PLCB1: variants seen among roughly 807,000 people sequenced by gnomAD.
PLCB1 encodes phospholipase C beta 1, also known as 1-phosphatidylinositol 4,5-bisphosphate phosphodiesterase beta-1.
PLCB1 carries 46 observed loss-of-function variants against 161.8 expected under a neutral mutation model. The ratio of observed to expected loss-of-function variants is 0.28; its 90% confidence interval spans 0.22 to 0.36. PLCB1 has a LOEUF of 0.36. Ranked by LOEUF, PLCB1 falls within the 10% of genes least tolerant of loss-of-function variation. The pLI, the probability that PLCB1 is intolerant of heterozygous loss-of-function variation, is 1.00. For synonymous variants in PLCB1, 517 were observed against 503.7 expected (o/e 1.03, Z -0.35); for missense variants, 1,016 against 1,472.5 (o/e 0.69, Z 5.07).
At chr20:8,269,738 A>T (rs1982178020) in intron 2 of PLCB1, among the ~76,000 whole-genome samples, 1 of 152,208 alleles carries the variant, frequency 6.6e-6, no homozygotes, top group African/African-American at 2.4e-5. Flanking sequence ...GCACAGTAAG[A>T]TACAAAAATG....
Position 8,744,026 on chromosome 20 carries a change from A to C in PLCB1, c.2523+2453A>C, listed in dbSNP as rs139044911. ...ACATAGATACAAATAAATCACTATTAATATCATTCTTCTCTAAATAGAAAA... is the reference window on the plus strand; with the variant it reads ...ACATAGATACAAATAAATCACTATTCATATCATTCTTCTCTAAATAGAAAA... On this transcript the variant is annotated intron_variant, in intron 23 of 31. Coordinates refer to ENST00000338037, the MANE Select transcript of PLCB1 (RefSeq NM_015192.4). Among the ~76,000 whole-genome samples the C allele has an allele frequency of 5.2e-3, 792 of 152,326 alleles. 9 individuals are homozygous for C. Among genetic ancestry groups the C allele is most frequent in the African/African-American group, 0.018 (765 of 41,582 alleles).
chr20:8,352,416 G>C (rs1272000244), intron 2 of PLCB1, among the ~76,000 whole-genome samples: 1 of 152,138 alleles, frequency 6.6e-6, no homozygotes, highest in African/African-American at 2.4e-5. Flanking sequence ...TACTATGCAC[G>C]TATGAGGTAC....
chr20:8,529,329 C>G (rs1984706261), intron 3 of PLCB1, among the ~76,000 whole-genome samples: 1 of 151,950 alleles, frequency 6.6e-6, no homozygotes, highest in Admixed American at 6.6e-5. Flanking sequence ...TAAATTTTCT[C>G]CCATGTTATT....
At chr20:8,157,623 C>G (rs1202230982) in intron 2 of PLCB1, among the ~76,000 whole-genome samples, 1 of 152,158 alleles carries the variant, frequency 6.6e-6, no homozygotes, top group Non-Finnish European at 1.5e-5. Flanking sequence ...ATAGACATGT[C>G]ATGATGCCTT....
chr20:8,133,226 C>T (rs973462208), intron 1 of PLCB1, among the ~76,000 whole-genome samples: 15 of 152,148 alleles, frequency 9.9e-5, no homozygotes, highest in Non-Finnish European at 2.2e-4. Flanking sequence ...ACCCTCTTGG[C>T]GCTTTTGTGG....
At chr20:8,843,536 G>T (rs1312881749) in intron 31 of PLCB1, among the ~76,000 whole-genome samples, 2 of 151,730 alleles carry the variant, frequency 1.3e-5, no homozygotes, top group African/African-American at 4.8e-5. Flanking sequence ...CCCATCATAG[G>T]CATATTCACT....
chr20:8,746,834 C>T (rs182348176), intron 23 of PLCB1, among the ~76,000 whole-genome samples: 6 of 152,294 alleles, frequency 3.9e-5, no homozygotes, highest in Admixed American at 3.3e-4. Context: ...ACTCATGTTC[C>T]ACATCAGCAC....
intron 31 of PLCB1, among the ~76,000 whole-genome samples, chr20:8,859,256 C>T (rs1488566668): frequency 6.6e-6 from 1 of 152,194 alleles, no homozygotes; most frequent in Non-Finnish European, 1.5e-5. Flanking sequence ...TTATAAATAA[C>T]ATCTGCTCAC....
chr20:8,623,661 A>C (rs1988249112), intron 3 of PLCB1, among the ~76,000 whole-genome samples: 1 of 152,224 alleles, frequency 6.6e-6, no homozygotes, highest in African/African-American at 2.4e-5. Flanking sequence ...AAATAGCTAA[A>C]AAATATTTAA....
intron 3 of PLCB1, among the ~76,000 whole-genome samples, chr20:8,509,775 TAGATAGA>T (rs1983798252): frequency 7.4e-6 from 1 of 135,008 alleles, no homozygotes; most frequent in East Asian, 2.3e-4. Flanking sequence ...GATAGATAGA[TAGATAGA>T]TAGCATGAAG....
At chr20:8,321,353 A>G (rs1345941810) in intron 2 of PLCB1, among the ~76,000 whole-genome samples, 1 of 152,124 alleles carries the variant, frequency 6.6e-6, no homozygotes, top group Non-Finnish European at 1.5e-5. Flanking sequence ...CATACCTCTT[A>G]TTGTTGTGTT....
intron 1 of PLCB1, among the ~76,000 whole-genome samples, chr20:8,134,129 G>T (rs1327242659): frequency 6.6e-6 from 1 of 152,130 alleles, no homozygotes. Flanking sequence ...TCTTCTTTCT[G>T]TTCCAGTCTA....
intron 31 of PLCB1, among the ~76,000 whole-genome samples, chr20:8,816,398 A>G (rs948465915): frequency 4.6e-5 from 7 of 152,228 alleles, no homozygotes; most frequent in Admixed American, 1.3e-4. Flanking sequence ...AACAAAAACT[A>G]CCACTCACAA....
At chr20:8,404,585 A>G (rs1048034809) in intron 3 of PLCB1, among the ~76,000 whole-genome samples, 15 of 152,330 alleles carry the variant, frequency 9.8e-5, no homozygotes, top group African/African-American at 3.6e-4. Flanking sequence ...GGAAATATCA[A>G]TTTGCAACTG....
chr20:8,232,039 A>G (rs898804766), intron 2 of PLCB1, among the ~76,000 whole-genome samples: 1 of 152,030 alleles, frequency 6.6e-6, no homozygotes, highest in Non-Finnish European at 1.5e-5. Context: ...TTTGGAAGAA[A>G]CCTAAAAGAT....
intron 3 of PLCB1, among the ~76,000 whole-genome samples, chr20:8,595,257 C>A (rs1358876718): frequency 1.6e-5 from 2 of 122,080 alleles, no homozygotes; most frequent in South Asian, 3.3e-4. Context: ...CCCCTCCCCC[C>A]ACCCCACAAC....
chr20:8,829,390 G>A (rs757074620), intron 31 of PLCB1, among the ~76,000 whole-genome samples: 1 of 152,214 alleles, frequency 6.6e-6, no homozygotes, highest in Non-Finnish European at 1.5e-5. Context: ...CCATTGACCA[G>A]TAGGGGATAA....
intron 3 of PLCB1, among the ~76,000 whole-genome samples, chr20:8,551,739 G>A (rs146628431): frequency 1.4e-3 from 212 of 152,250 alleles, no homozygotes; most frequent in African/African-American, 4.8e-3. Flanking sequence ...TTGCTCAACA[G>A]TGCAGCCCTT....
intron 3 of PLCB1, among the ~76,000 whole-genome samples, chr20:8,580,877 G>A (rs1476616897): frequency 3.3e-5 from 5 of 152,220 alleles, no homozygotes; most frequent in African/African-American, 9.6e-5. Context: ...TTCGGGCAAA[G>A]GGAACTGTAT....
Sources: allele counts gnomAD v4.1 joint callset (sites outside exome capture counted in the v4.1 genomes callset), GRCh38; gene constraint gnomAD v4.1.1; transcripts MANE v1.5; gene names NCBI Gene and HGNC (gene_info 2026-07-23, HGNC 2026-07-21).